Variants in ZNF438 observed in about 807,000 individuals in gnomAD.
The protein encoded by ZNF438 is zinc finger protein 438.
ZNF438 carries 25 observed loss-of-function variants against 38.0 expected under a neutral mutation model. That is an observed-to-expected ratio of 0.66 (90% CI 0.48 to 0.92). The LOEUF (loss-of-function observed/expected upper bound fraction) is 0.92, where lower values mean the gene tolerates loss of function less well. Among genes scored for constraint, ZNF438 ranks in the 40% least tolerant of loss-of-function variants. The pLI, the probability that ZNF438 is intolerant of heterozygous loss-of-function variation, is 0.00. For missense variants in ZNF438, 1,007 were observed against 999.6 expected (o/e 1.01, Z -0.10); for synonymous variants, 372 against 364.1 (o/e 1.02, Z -0.25).
At chr10:30,917,882 C>T (rs1172657587) in intron 2 of ZNF438, among the ~76,000 whole-genome samples, 1 of 152,072 alleles carries the variant, frequency 6.6e-6, no homozygotes. Context: ...TTGCCTACCC[C>T]CAAGTCATAA....
chr10:30,938,223 T>G (rs1589292399), intron 2 of ZNF438, among the ~76,000 whole-genome samples: 1 of 152,122 alleles, frequency 6.6e-6, no homozygotes, highest in South Asian at 2.1e-4. Context: ...TTTGCTTGTG[T>G]TGCCAGTTCT....
At chr10:30,961,892 G>GAA (rs947031672) in intron 1 of ZNF438, among the ~76,000 whole-genome samples, 3 of 67,088 alleles carry the variant, frequency 4.5e-5, no homozygotes, top group Non-Finnish European at 9.6e-5. Flanking sequence ...CATCCCAAAA[G>GAA]AAAAAAAAAA....
chr10:30,881,077 C>G (rs1050385499), intron 3 of ZNF438, among the ~76,000 whole-genome samples: 9 of 152,146 alleles, frequency 5.9e-5, no homozygotes, highest in African/African-American at 2.2e-4. Context: ...AGTTCACAAA[C>G]AAGAGAAGGA....
intron 2 of ZNF438, among the ~76,000 whole-genome samples, chr10:30,937,906 A>G (rs771760480): frequency 2.6e-5 from 4 of 152,066 alleles, no homozygotes; most frequent in Admixed American, 6.5e-5. Context: ...CAGAGGCTCA[A>G]CTCCTCAGGA....
At chr10:31,030,847 CA>C (rs1420572806) in intron 1 of ZNF438, among the ~76,000 whole-genome samples, 1 of 152,142 alleles carries the variant, frequency 6.6e-6, no homozygotes, top group Non-Finnish European at 1.5e-5. Flanking sequence ...ACCCCTTGAC[CA>C]AAATATTCAA....
chr10:30,851,342 C>A (rs892056132), intron 4 of ZNF438, among the ~76,000 whole-genome samples: 6 of 152,334 alleles, frequency 3.9e-5, no homozygotes, highest in Middle Eastern at 3.4e-3. Flanking sequence ...ACTGAATTAT[C>A]TATTTTATTC....
chr10:30,984,484 A>G (rs1054945322), intron 1 of ZNF438, 58 bp from the exon 2 acceptor site: 5 of 152,186 alleles, frequency 3.3e-5, no homozygotes, highest in African/African-American at 1.2e-4. Context: ...TTCATCAAAT[A>G]TATGTAAAAG....
intron 2 of ZNF438, among the ~76,000 whole-genome samples, chr10:30,938,321 A>C (rs1589293078): frequency 2.0e-5 from 3 of 150,636 alleles, no homozygotes; most frequent in Admixed American, 6.6e-5. Context: ...CTTGTTGCCC[A>C]GGCTGGAGTG....
intron 1 of ZNF438, among the ~76,000 whole-genome samples, chr10:30,953,413 T>TAAAA (rs1564725673): frequency 1.3e-5 from 2 of 150,546 alleles, no homozygotes; most frequent in Non-Finnish European, 1.5e-5. Flanking sequence ...AAAAAAAATT[T>TAAAA]AAAAAATTAA....
At chr10:30,904,914 C>T (rs897908081) in intron 3 of ZNF438, among the ~76,000 whole-genome samples, 2 of 152,154 alleles carry the variant, frequency 1.3e-5, no homozygotes, top group Non-Finnish European at 2.9e-5. Context: ...TCTTAGTGGC[C>T]CCTGTATCTT....
chr10:31,000,170 C>T (rs1477316780), intron 1 of ZNF438, among the ~76,000 whole-genome samples: 2 of 152,162 alleles, frequency 1.3e-5, no homozygotes, highest in African/African-American at 4.8e-5. Flanking sequence ...GAATGTCCCA[C>T]AAAAACTTCA....
At chr10:30,959,874 T>C (rs1219303542) in intron 1 of ZNF438, among the ~76,000 whole-genome samples, 1 of 147,554 alleles carries the variant, frequency 6.8e-6, no homozygotes, top group East Asian at 1.9e-4. Flanking sequence ...AAAGTGGTTA[T>C]AACAATTTAC....
intron 2 of ZNF438, among the ~76,000 whole-genome samples, chr10:30,924,423 AG>A: frequency 6.6e-6 from 1 of 152,210 alleles, no homozygotes; most frequent in East Asian, 1.9e-4. Flanking sequence ...ATGATGAATG[AG>A]GGGTGCGGCA....
chr10:30,998,546 A>G, intron 1 of ZNF438, among the ~76,000 whole-genome samples: 1 of 9,448 alleles, frequency 1.1e-4, no homozygotes, highest in Non-Finnish European at 2.2e-4. Context: ...GTCTCAAAAA[A>G]AAAAAAAAAA....
intron 1 of ZNF438, among the ~76,000 whole-genome samples, chr10:30,989,057 TG>T (rs900823817): frequency 6.6e-6 from 1 of 152,202 alleles, no homozygotes; most frequent in Non-Finnish European, 1.5e-5. Context: ...TACATCAAGA[TG>T]GTAACATAGA....
intron 3 of ZNF438, among the ~76,000 whole-genome samples, chr10:30,884,443 A>G (rs763082541): frequency 1.3e-5 from 2 of 152,204 alleles, no homozygotes; most frequent in African/African-American, 2.4e-5. Flanking sequence ...AATAAACCTT[A>G]TACGATTCCT....
intron 3 of ZNF438, among the ~76,000 whole-genome samples, chr10:30,890,055 A>G (rs1339593650): frequency 2.6e-5 from 4 of 151,532 alleles, no homozygotes; most frequent in Admixed American, 6.6e-5. Context: ...TTCTTTACAA[A>G]GAAAGGTTTT....
At chr10:30,969,956 C>T (rs1018242900) in intron 1 of ZNF438, among the ~76,000 whole-genome samples, 4 of 151,784 alleles carry the variant, frequency 2.6e-5, no homozygotes, top group African/African-American at 9.7e-5. Flanking sequence ...TTTAAAAAGC[C>T]TATGAAGAAT....
At chr10:31,017,017 G>A (rs569685554) in intron 1 of ZNF438, among the ~76,000 whole-genome samples, 5 of 152,204 alleles carry the variant, frequency 3.3e-5, no homozygotes, top group South Asian at 2.1e-4. Flanking sequence ...CTAGTCCAGC[G>A]GCTCGCAAAC....
Sources: allele counts gnomAD v4.1 joint callset (sites outside exome capture counted in the v4.1 genomes callset), GRCh38; gene constraint gnomAD v4.1.1; transcripts MANE v1.5; gene names NCBI Gene and HGNC (gene_info 2026-07-23, HGNC 2026-07-21).